The following ADAM28 variants were observed in gnomAD, a reference collection of about 807,000 sequenced individuals.
The protein encoded by ADAM28 is ADAM metallopeptidase domain 28, also known as disintegrin and metalloproteinase domain-containing protein 28.
ADAM28 carries 105 observed loss-of-function variants against 101.2 expected under a neutral mutation model. That is an observed-to-expected ratio of 1.04 (90% CI 0.89 to 1.22). The LOEUF is 1.22. Among genes scored for constraint, ADAM28 ranks in the 50% most tolerant of loss-of-function variants. ADAM28 has a pLI of 0.00. For missense variants in ADAM28, 1,028 were observed against 945.4 expected, an observed-to-expected ratio of 1.09 and a Z score of -1.15; for synonymous variants, 322 against 310.6, an observed-to-expected ratio of 1.04 and a Z score of -0.39.
chr8:24,351,121 T>C, intron 19 of ADAM28, 111 bp from the exon 20 acceptor site: 2 of 848,668 alleles, frequency 2.4e-6, no homozygotes, highest in Non-Finnish European at 3.5e-6. Flanking sequence ...ACCCAGGCAA[T>C]AGGCAAGAAA....
In ADAM28 at chr8:24,313,475, G is replaced by T. The variant is rs202017465; in HGVS notation, c.471G>T (p.Lys157Asn). 8 of 1,613,882 alleles carry T rather than the reference G, an allele frequency of 5.0e-6. No individual in the cohort carries two copies. The East Asian group carries it at 1.6e-4, about 31-fold the overall frequency. Residue 157 changes from lysine to asparagine, a missense_variant, in exon 6 of 23, where the codon AAG (lysine) becomes AAT (asparagine). Lys to Asn is a moderately conservative substitution (Grantham distance 94). Coordinates refer to ENST00000265769, the MANE Select transcript of ADAM28 (RefSeq NM_014265.6). ...HRDGQEHALF[K>N]YNPDEKNYDS... ...ATGGACAGGAGCATGCACTCTTCAA[G>T]TATAACCCTGATGAAAAGAATTATG... is the stretch of plus-strand genomic sequence containing the variant.
chr8:24,300,702 T>C (rs1808629729), intron 2 of ADAM28, among the ~76,000 whole-genome samples: 3 of 152,148 alleles, frequency 2.0e-5, no homozygotes, highest in Non-Finnish European at 4.4e-5. Context: ...AGGCGTGAGC[T>C]ACCGCCTAGC....
chr8:24,345,264 G>A lies in ADAM28; in HGVS notation c.1990+1680G>A, dbSNP rs189352727. Among the ~76,000 whole-genome samples the A allele has an allele frequency of 2.6e-5, 4 of 151,914 alleles. No individual in the cohort carries two copies. In the East Asian group the frequency reaches 7.8e-4, roughly 29 times the overall value. ...TTTCTTCCATTGAAGAAATGTTTCT[G>A]TTGTTCTAGGTTTTAAAATTTATTT... On this transcript the variant is annotated intron_variant, in intron 18 of 22. Coordinates refer to ENST00000265769, the MANE Select transcript of ADAM28 (RefSeq NM_014265.6).
chr8:24,346,237 G>C (rs899497296), intron 18 of ADAM28, among the ~76,000 whole-genome samples: 20 of 152,016 alleles, frequency 1.3e-4, no homozygotes, highest in African/African-American at 4.8e-4. Context: ...AACCATAATA[G>C]TATTAGCAAT....
At chr8:24,321,561 T>C (rs1242157045) in intron 8 of ADAM28, 23 of 400,388 alleles carry the variant, frequency 5.7e-5, no homozygotes, top group Admixed American at 2.0e-4. Flanking sequence ...TTTCCAAAAA[T>C]CCGCTAAGAA....
chr8:24,315,625 T>G (rs1360319596), intron 6 of ADAM28, among the ~76,000 whole-genome samples: 1 of 151,822 alleles, frequency 6.6e-6, no homozygotes, highest in Non-Finnish European at 1.5e-5. Context: ...TTCAAAAAAA[T>G]AGAGACAGAA....
chr8:24,305,269 G>A (rs77288059), intron 2 of ADAM28, among the ~76,000 whole-genome samples: 2,451 of 151,690 alleles, frequency 0.016, 70 homozygotes, highest in African/African-American at 0.056. Flanking sequence ...GAAATCGTGC[G>A]TCAGTCACAG....
At chr8:24,342,286 A>G (rs1039350171) in intron 16 of ADAM28, among the ~76,000 whole-genome samples, 4 of 152,178 alleles carry the variant, frequency 2.6e-5, no homozygotes, top group Non-Finnish European at 4.4e-5. Context: ...AGATATCCAC[A>G]TGACCAAAGA....
At chr8:24,311,286 A>G (rs1466136540) in intron 4 of ADAM28, 75 bp from the exon 5 acceptor site, 1 of 1,127,174 alleles carries the variant, frequency 8.9e-7, no homozygotes, top group Non-Finnish European at 1.3e-6. Context: ...TCCTGTTTCA[A>G]GATTTCAGAT....
intron 2 of ADAM28, chr8:24,308,608 A>G (rs1279324219): frequency 6.6e-6 from 3 of 456,086 alleles, no homozygotes; most frequent in Non-Finnish European, 8.8e-6. Flanking sequence ...TATTCTGCAT[A>G]ACTTTTATTT....
At chr8:24,334,917 A>G (rs983295942) in intron 13 of ADAM28, among the ~76,000 whole-genome samples, 1 of 152,192 alleles carries the variant, frequency 6.6e-6, no homozygotes, top group Non-Finnish European at 1.5e-5. Context: ...AAGTCATTCT[A>G]TGGAAGAAGT....
At chr8:24,322,772 C>T (rs1377286901) in intron 8 of ADAM28, 4 of 151,912 alleles carry the variant, frequency 2.6e-5, no homozygotes, top group Non-Finnish European at 1.5e-5. Context: ...TTCCTTAATG[C>T]TTTTCCTGTT....
intron 15 of ADAM28, 82 bp from the exon 16 acceptor site, chr8:24,341,516 A>T: frequency 7.2e-7 from 1 of 1,388,638 alleles, no homozygotes; most frequent in Non-Finnish European, 9.9e-7. Context: ...GAAAAATACC[A>T]TCAGTTAAAT....
At chr8:24,295,469 G>A (rs1807833357) in intron 1 of ADAM28, among the ~76,000 whole-genome samples, 2 of 152,138 alleles carry the variant, frequency 1.3e-5, no homozygotes, top group South Asian at 4.1e-4. Flanking sequence ...TAATAGAAAT[G>A]TTTTTTTCTC....
intron 12 of ADAM28, 62 bp downstream of exon 12, chr8:24,331,389 A>G: frequency 6.8e-7 from 1 of 1,477,898 alleles, no homozygotes; most frequent in South Asian, 1.4e-5. Flanking sequence ...AAGATCAACT[A>G]CAAAATAATG....
intron 11 of ADAM28, among the ~76,000 whole-genome samples, chr8:24,330,883 T>C (rs1242746691): frequency 1.3e-5 from 2 of 152,166 alleles, no homozygotes; most frequent in Non-Finnish European, 2.9e-5. Flanking sequence ...TCCCAGATGA[T>C]CTAAGATTAT....
At chr8:24,310,086 C>G (rs1294747236) in intron 3 of ADAM28, 77 bp from the exon 4 acceptor site, 1 of 1,555,702 alleles carries the variant, frequency 6.4e-7, no homozygotes, top group African/African-American at 1.4e-5. Flanking sequence ...AGCGTTTGCT[C>G]TCAAATGACT....
intron 9 of ADAM28, chr8:24,325,157 GGTAA>G: frequency 6.6e-6 from 1 of 151,942 alleles, no homozygotes; most frequent in South Asian, 2.1e-4. Flanking sequence ...TCTCATAGCT[GGTAA>G]GTAATAAGGG....
intron 21 of ADAM28, among the ~76,000 whole-genome samples, chr8:24,352,580 A>G (rs1489234796): frequency 6.6e-6 from 1 of 152,112 alleles, no homozygotes; most frequent in African/African-American, 2.4e-5. Context: ...CCACCTCCAA[A>G]TACCATCATT....
Sources: gnomAD v4.1 joint callset for allele counts (sites outside exome capture counted in the v4.1 genomes callset) on GRCh38, gnomAD v4.1.1 for gene constraint, MANE v1.5 for transcripts, NCBI Gene and HGNC (gene_info 2026-07-23, HGNC 2026-07-21) for gene names.